GSE1: variants seen among roughly 807,000 people sequenced by gnomAD.
GSE1 encodes Gse1 coiled-coil protein.
GSE1 carries 32 observed loss-of-function variants against 112.6 expected under a neutral mutation model. That is an observed-to-expected ratio of 0.28 (90% confidence interval 0.21 to 0.38). GSE1 has a LOEUF of 0.38. GSE1 is among the 10% of genes least tolerant of loss of function. GSE1 has a pLI of 1.00. For synonymous variants in GSE1, 1,115 were observed against 735.6 expected (o/e 1.52, Z -8.35); for missense variants, 2,348 against 1,699.2 (o/e 1.38, Z -6.71).
chr16:85,331,457 A>G (rs967907158), intron 1 of GSE1, among the ~76,000 whole-genome samples: 28 of 142,832 alleles, frequency 2.0e-4, no homozygotes, highest in Admixed American at 8.8e-4. Context: ...ATATGTATAT[A>G]TATGTGTGTA....
chr16:85,598,167 G>GTTTT (rs973836177), intron 1 of GSE1, among the ~76,000 whole-genome samples: 467 of 71,262 alleles, frequency 6.6e-3, no homozygotes, highest in Non-Finnish European at 7.8e-3. Context: ...AGGTTTGGTT[G>GTTTT]TTTTTTTTTT....
intron 1 of GSE1, among the ~76,000 whole-genome samples, chr16:85,620,559 A>G (rs1266218071): frequency 2.6e-5 from 4 of 152,276 alleles, no homozygotes; most frequent in Admixed American, 2.6e-4. Context: ...TCCGCCTCCC[A>G]GAGGCTGCCG....
chr16:85,279,674 C>T (rs754492851), intron 1 of GSE1, among the ~76,000 whole-genome samples: 15 of 152,168 alleles, frequency 9.9e-5, no homozygotes, highest in South Asian at 2.1e-4. Flanking sequence ...AGTTTCCTCC[C>T]TGTGAAATGG....
At chr16:85,464,608 A>C (rs1314373454) in intron 2 of GSE1, among the ~76,000 whole-genome samples, 1 of 152,178 alleles carries the variant, frequency 6.6e-6, no homozygotes, top group African/African-American at 2.4e-5. Flanking sequence ...CCGGTTGCAC[A>C]GGGTACTCAC....
chr16:85,336,250 T>A (rs1407860278), intron 1 of GSE1, among the ~76,000 whole-genome samples: 3 of 152,316 alleles, frequency 2.0e-5, no homozygotes, highest in African/African-American at 7.2e-5. Context: ...TGTTTGGGGA[T>A]TGGCTGATGG....
At chr16:85,538,801 C>A (rs1247499439) in intron 2 of GSE1, among the ~76,000 whole-genome samples, 2 of 152,176 alleles carry the variant, frequency 1.3e-5, no homozygotes, top group Admixed American at 1.3e-4. Context: ...TTTAAGCCAC[C>A]TTCGTTTCCT....
chr16:85,494,211 C>T (rs964419148), intron 2 of GSE1, among the ~76,000 whole-genome samples: 5 of 152,366 alleles, frequency 3.3e-5, no homozygotes, highest in Admixed American at 6.5e-5. Context: ...TCAGCAGGGC[C>T]GTGCTCCCTG....
intron 1 of GSE1, among the ~76,000 whole-genome samples, chr16:85,174,611 TGGC>T (rs991027459): frequency 6.6e-6 from 1 of 152,086 alleles, no homozygotes; most frequent in African/African-American, 2.4e-5. Context: ...GGGGATCTGG[TGGC>T]AAGCACAGAG....
chr16:85,323,066 G>A (rs1471116364), intron 1 of GSE1, among the ~76,000 whole-genome samples: 1 of 151,984 alleles, frequency 6.6e-6, no homozygotes. Flanking sequence ...GCATTTGGAA[G>A]GGAAAACAGA....
In GSE1 at chr16:85,668,165, G is replaced by T; in HGVS notation, c.3156G>T (p.Glu1052Asp). 1.2e-6 allele frequency: 2 copies of T among 1,601,260 alleles called. No individual in the cohort carries two copies. Among genetic ancestry groups the T allele is most frequent in the Middle Eastern group, 1.7e-4 (1 of 5,792 alleles). ...GGAGCGTGGCTGTGCTGTCTGCAGA[G>T]CAGAACCACAAGGTTGACACGTCCG... Reference protein sequence around the residue: ...HKGSVAVLSAEQNHKVDTSVH... With the variant: ...HKGSVAVLSADQNHKVDTSVH... The change falls in exon 14 of 16, where the codon GAG (glutamate) becomes GAT (aspartate). Residue 1052 changes from glutamate to aspartate, a missense_variant. Physicochemically the swap from Glu to Asp is conservative, Grantham distance 45. Transcript: ENST00000253458.
chr16:85,522,591 G>T (rs80240241), intron 2 of GSE1, among the ~76,000 whole-genome samples: 131 of 152,338 alleles, frequency 8.6e-4, no homozygotes, highest in Non-Finnish European at 1.6e-3. Flanking sequence ...GGGATAATTT[G>T]CATCCTACTG....
In GSE1 at chr16:85,412,857, A is replaced by G. The variant is rs569391221; in HGVS notation, c.2464+55214A>G. Among the ~76,000 whole-genome samples the G allele has an allele frequency of 2.0e-5, 3 of 152,304 alleles. No individual in the cohort carries two copies. In the East Asian group the frequency reaches 5.8e-4, roughly 29 times the overall value. On this transcript the variant is annotated intron_variant, in intron 2 of 2. Transcript: ENST00000637419. ...CTTTTTGCCATATAAAGCCGCATTC[A>G]CAGGTTCCAGGGATGAGGACAGGGA...
chr16:85,541,971 A>G (rs998244435), intron 2 of GSE1, among the ~76,000 whole-genome samples: 1 of 152,184 alleles, frequency 6.6e-6, no homozygotes, highest in Non-Finnish European at 1.5e-5. Flanking sequence ...TTCAAAATGC[A>G]TCCTTGCCCT....
intron 2 of GSE1, among the ~76,000 whole-genome samples, chr16:85,427,590 C>T (rs564063977): frequency 1.3e-5 from 2 of 152,274 alleles, no homozygotes; most frequent in East Asian, 3.9e-4. Flanking sequence ...TGCAGTGAAC[C>T]AAGATCGCGC....
At chr16:85,599,927 C>T (rs919585195) in intron 1 of GSE1, among the ~76,000 whole-genome samples, 35 of 152,278 alleles carry the variant, frequency 2.3e-4, no homozygotes, top group Admixed American at 2.2e-3. Flanking sequence ...CAGTCATGGG[C>T]AAGGCTCTGA....
chr16:85,234,830 G>T (rs1368034704), intron 1 of GSE1, among the ~76,000 whole-genome samples: 1 of 152,060 alleles, frequency 6.6e-6, no homozygotes, highest in Non-Finnish European at 1.5e-5. Flanking sequence ...AGCCGCGGCC[G>T]CCAGCGAATA....
At chr16:85,422,507 G>A (rs2048871717) in intron 2 of GSE1, among the ~76,000 whole-genome samples, 1 of 152,130 alleles carries the variant, frequency 6.6e-6, no homozygotes, top group African/African-American at 2.4e-5. Flanking sequence ...GGAGGAGGAG[G>A]AGCAGCGTGC....
intron 1 of GSE1, among the ~76,000 whole-genome samples, chr16:85,233,406 G>C (rs1442555971): frequency 6.6e-6 from 1 of 152,246 alleles, no homozygotes; most frequent in Admixed American, 6.5e-5. Flanking sequence ...AGGCTGGGCG[G>C]GGTGGTTCGG....
intron 2 of GSE1, among the ~76,000 whole-genome samples, chr16:85,378,586 T>C (rs1422691720): frequency 1.3e-5 from 2 of 152,190 alleles, no homozygotes; most frequent in Non-Finnish European, 2.9e-5. Flanking sequence ...GCAGCCCTGC[T>C]TGGCGCCCTT....
Sources: gnomAD v4.1 joint callset for allele counts (sites outside exome capture counted in the v4.1 genomes callset) on GRCh38, gnomAD v4.1.1 for gene constraint, MANE v1.5 for transcripts, NCBI Gene and HGNC (gene_info 2026-07-23, HGNC 2026-07-21) for gene names.